Variants in C22orf23 observed in about 807,000 individuals in gnomAD.
C22orf23 encodes the protein UPF0193 protein EVG1.
C22orf23 carries 30 observed loss-of-function variants against 29.7 expected under a neutral mutation model. The ratio of observed to expected loss-of-function variants is 1.01; its 90% CI spans 0.76 to 1.37. The LOEUF (loss-of-function observed/expected upper bound fraction) is 1.37, where lower values mean the gene tolerates loss of function less well. C22orf23 is among the 40% of genes most tolerant of loss of function. C22orf23 has a pLI of 0.00. For missense variants in C22orf23, 237 were observed against 273.1 expected (o/e 0.87, Z 0.93); for synonymous variants, 90 against 96.1 (o/e 0.94, Z 0.37).
In C22orf23 at chr22:37,944,399, C is replaced by T; in HGVS notation, c.582+18G>A. ...GCTGGGCCCTTCCCCTCCCCACTTT[C>T]CTGGTTGTTTCTCCTACCTGGGAGA... is the stretch of plus-strand genomic sequence containing the variant. On this transcript the variant is annotated intron_variant, in intron 6 of 6. Transcript: ENST00000403305. 2 of 1,613,986 alleles carry T rather than the reference C, an allele frequency of 1.2e-6. No individual in the cohort carries two copies. The highest frequency in any genetic ancestry group is 3.3e-5 in the Admixed American group (2 of 60,018).
chr22:37,944,081 G>T lies in C22orf23; in HGVS notation c.*94C>A, dbSNP rs1930545497. 2.6e-6 allele frequency: 3 copies of T among 1,170,720 alleles called. No individual in the cohort carries two copies. The highest frequency in any genetic ancestry group is 3.9e-6 in the Non-Finnish European group (3 of 776,368). The allele number at this position is 1,170,720 out of a possible 1,614,324, so 72.5% of individuals were successfully genotyped here. On this transcript the variant is annotated 3_prime_UTR_variant, in exon 7 of 7. Transcript: ENST00000403305. ...CCACCACCTGACGTGGCAGAAGGCTGGTAGGATGGGCTGGCCTGAGGATGG... is the reference window on the plus strand; with the variant it reads ...CCACCACCTGACGTGGCAGAAGGCTTGTAGGATGGGCTGGCCTGAGGATGG...
chr22:37,953,353 C>A (rs1931190978), intron 1 of C22orf23, 95 bp downstream of exon 1: 7 of 575,824 alleles, frequency 1.2e-5, no homozygotes, highest in Admixed American at 3.2e-5. Flanking sequence ...TCTGACCCAG[C>A]GCCTGTGGCA....
chr22:37,953,563 G>C lies in C22orf23; in HGVS notation c.-125C>G. On this transcript the variant is annotated 5_prime_UTR_variant, in exon 1 of 7. Coordinates refer to ENST00000403305, the MANE Select transcript of C22orf23 (RefSeq NM_032561.5). ...GCCACGCAGAAATACTGCGCGATCT[G>C]GGCTGCTGGAGCTGGCAGCTAGCGC... is the stretch of plus-strand genomic sequence containing the variant. 1.7e-6 allele frequency: 1 copy of C among 584,036 alleles called. No homozygotes were observed. The highest frequency in any genetic ancestry group is 3.0e-6 in the Non-Finnish European group (1 of 337,088). 36.2% of individuals were successfully genotyped at this position (584,036 alleles called of 1,614,324 possible). A position where few individuals can be genotyped will look rare whatever the true frequency, so the allele number is the denominator to read the frequency against.
intron 1 of C22orf23, 42 bp downstream of exon 1, chr22:37,953,406 C>A: frequency 1.8e-6 from 1 of 562,406 alleles, no homozygotes. Context: ...GCCATGGTCA[C>A]AACAGTACCC....
chr22:37,951,434 G>A (rs1478497092), intron 3 of C22orf23, 26 bp downstream of exon 3: 1 of 1,604,902 alleles, frequency 6.2e-7, no homozygotes, highest in Non-Finnish European at 8.5e-7. Context: ...CCTCTGTCCA[G>A]GAAGCCTCTG....
At chr22:37,953,412 T>C (rs1931196144) in intron 1 of C22orf23, 36 bp downstream of exon 1, 1 of 555,650 alleles carries the variant, frequency 1.8e-6, no homozygotes, top group Admixed American at 3.4e-5. Flanking sequence ...GTCACAACAG[T>C]ACCCACTGAG....
At chr22:37,953,219 G>T in intron 1 of C22orf23, 61 bp from the exon 2 acceptor site, 1 of 1,168,924 alleles carries the variant, frequency 8.6e-7, no homozygotes, top group South Asian at 1.3e-5. Context: ...TCTGTTCCCC[G>T]ACGCCCAACA....
Position 37,953,049 on chromosome 22 carries a change from C to G in C22orf23, c.101G>C (p.Arg34Thr). ...GATCGCTGCTTTAACGGACTGACCT[C>G]TGAGCAGCTCGCAGGTCCCCGGGGT... ...TYTPGTCELL[R>T]VMMKESKLTN... Residue 34 changes from arginine (R) to threonine (T), a missense_variant and splice_region_variant, in exon 2 of 7, where the codon AGA becomes ACA. Arg to Thr is a moderately conservative substitution (Grantham distance 71, BLOSUM62 -1). Transcript: ENST00000403305. 1 of 1,612,834 alleles carries G rather than the reference C, an allele frequency of 6.2e-7. No individual in the cohort carries two copies. Among genetic ancestry groups the G allele is most frequent in the South Asian group, 1.1e-5 (1 of 91,040 alleles).
intron 4 of C22orf23, 105 bp downstream of exon 4, chr22:37,947,176 A>T: frequency 8.2e-7 from 1 of 1,219,412 alleles, no homozygotes; most frequent in South Asian, 1.3e-5. Context: ...GTGCATGGGG[A>T]TTTGATTAGC....
At chr22:37,949,997 A>T (rs768071433) in intron 3 of C22orf23, among the ~76,000 whole-genome samples, 13 of 151,798 alleles carry the variant, frequency 8.6e-5, no homozygotes, top group Admixed American at 2.0e-4. Context: ...CCCAGTATGT[A>T]TGTGTTTTGC....
At position 37,943,945 on chromosome 22, in the gene C22orf23, G is replaced by A. The variant is rs1391524707; in HGVS notation, c.*230C>T. Reference sequence around the variant, plus strand: ...GACACATGTCCTAGTAGGGATGCTCGGGCTTTGCTTCTCTGCGGACGGGGC... The same window carrying A: ...GACACATGTCCTAGTAGGGATGCTCAGGCTTTGCTTCTCTGCGGACGGGGC... On this transcript the variant is annotated 3_prime_UTR_variant, in exon 7 of 7. Transcript: ENST00000403305. 6.7e-6 allele frequency: 4 copies of A among 593,796 alleles called. No homozygotes were observed. Among genetic ancestry groups the A allele is most frequent in the Admixed American group, 2.9e-5 (1 of 34,518 alleles). 36.8% of individuals were successfully genotyped at this position (593,796 alleles called of 1,614,324 possible).
At chr22:37,950,897 G>A (rs1386559478) in intron 3 of C22orf23, 1 of 136,472 alleles carries the variant, frequency 7.3e-6, no homozygotes, top group Admixed American at 7.5e-5. Flanking sequence ...CAGAGAGAGA[G>A]ACTCATCTCA....
At chr22:37,951,797 C>CTTTTTTTTTTTTTTTTTTTTTTTTTTT (rs551481283) in intron 2 of C22orf23, 8 of 38,752 alleles carry the variant, frequency 2.1e-4, no homozygotes, top group African/African-American at 3.2e-4. Flanking sequence ...TCCTCTTTCT[C>CTTTTTTTTTTTTTTTTTTTTTTTTTTT]TTTTTTTTTT....
At chr22:37,953,021 T>A in intron 2 of C22orf23, 26 bp downstream of exon 2, 1 of 1,570,922 alleles carries the variant, frequency 6.4e-7, no homozygotes, top group Non-Finnish European at 8.7e-7. Flanking sequence ...CCAAAAAGGC[T>A]GGGATCGCTG....
chr22:37,945,990 A>G (rs1326432584), intron 4 of C22orf23, among the ~76,000 whole-genome samples: 1 of 150,482 alleles, frequency 6.6e-6, no homozygotes, highest in African/African-American at 2.4e-5. Context: ...CGGGCGCGGT[A>G]GCTCATGCCT....
At chr22:37,944,625 G>C in intron 5 of C22orf23, 108 bp from the exon 6 acceptor site, 1 of 985,334 alleles carries the variant, frequency 1.0e-6, no homozygotes, top group Admixed American at 2.2e-5. Flanking sequence ...TCTAGGCCGG[G>C]CGCGGTGGCT....
chr22:37,951,528 C>G lies in C22orf23; in HGVS notation c.104-6G>C, dbSNP rs1160375533. On this transcript the variant is annotated splice_region_variant and splice_polypyrimidine_tract_variant and intron_variant, in intron 2 of 6. Transcript: ENST00000403305. ...TTTGGATTCCTTCATCATCACTGCACGACAAAGCATTCTATGAGGCCTCTT... is the reference window on the plus strand; with the variant it reads ...TTTGGATTCCTTCATCATCACTGCAGGACAAAGCATTCTATGAGGCCTCTT... 6.2e-7 allele frequency: 1 copy of G among 1,613,774 alleles called. No individual in the cohort carries two copies. The highest frequency in any genetic ancestry group is 1.3e-5 in the African/African-American group (1 of 74,998).
At chr22:37,947,502 CTTTTTTTTTTT>C (rs11359710) in intron 3 of C22orf23, 39 bp from the exon 4 acceptor site, 44 of 321,274 alleles carry the variant, frequency 1.4e-4, no homozygotes, top group South Asian at 5.5e-4. Flanking sequence ...ACCCACATGG[CTTTTTTTTTTT>C]TTTTTTTTTT....
At chr22:37,950,732 C>G (rs1300750085) in intron 3 of C22orf23, among the ~76,000 whole-genome samples, 7 of 151,584 alleles carry the variant, frequency 4.6e-5, no homozygotes, top group African/African-American at 1.7e-4. Context: ...TGGTGAAACC[C>G]AGTCTCTACT....
Sources: allele counts gnomAD v4.1 joint callset (sites outside exome capture counted in the v4.1 genomes callset), GRCh38; gene constraint gnomAD v4.1.1; transcripts MANE v1.5; gene names NCBI Gene and HGNC (gene_info 2026-07-23, HGNC 2026-07-21).